CDH17: variants seen among roughly 807,000 people sequenced by gnomAD.
CDH17 encodes cadherin 17.
A neutral mutation model predicts 86.3 loss-of-function variants in CDH17; 67 were observed. The ratio of observed to expected loss-of-function variants is 0.78; its 90% CI spans 0.64 to 0.95. CDH17 has a LOEUF of 0.95. CDH17 is among the 40% of genes least tolerant of loss of function. CDH17 has a pLI of 0.00. For synonymous variants in CDH17, 367 were observed against 366.4 expected (o/e 1.00, Z -0.02); for missense variants, 993 against 1,017.6 (o/e 0.98, Z 0.33).
chr8:94,129,395 C>A (rs1812366456), intron 17 of CDH17, among the ~76,000 whole-genome samples: 1 of 151,974 alleles, frequency 6.6e-6, no homozygotes, highest in South Asian at 2.1e-4. Flanking sequence ...GGGAAGTGGC[C>A]ATGACATGAA....
At chr8:94,138,893 C>T (rs745670010) in intron 15 of CDH17, among the ~76,000 whole-genome samples, 15 of 152,146 alleles carry the variant, frequency 9.9e-5, no homozygotes, top group Admixed American at 1.3e-4. Context: ...AATGATCTAA[C>T]TGTATTTCAC....
chr8:94,213,836 C>T (rs557864957), intron 1 of CDH17, among the ~76,000 whole-genome samples: 2 of 152,180 alleles, frequency 1.3e-5, no homozygotes, highest in African/African-American at 2.4e-5. Flanking sequence ...CCCTTTACCC[C>T]GGCTTCCTTG....
intron 15 of CDH17, among the ~76,000 whole-genome samples, chr8:94,134,718 CTCTT>C (rs1563563786): frequency 6.6e-6 from 1 of 151,934 alleles, no homozygotes; most frequent in Non-Finnish European, 1.5e-5. Context: ...AATGTGTTTG[CTCTT>C]TCTTCTCTAG....
chr8:94,192,837 G>A (rs369446583), intron 2 of CDH17, among the ~76,000 whole-genome samples: 6 of 152,154 alleles, frequency 3.9e-5, no homozygotes, highest in African/African-American at 7.2e-5. Flanking sequence ...CATCAATGCC[G>A]TATTTGTGTT....
chr8:94,182,560 C>T (rs756105469), intron 3 of CDH17, among the ~76,000 whole-genome samples: 20 of 151,956 alleles, frequency 1.3e-4, no homozygotes, highest in Non-Finnish European at 2.9e-5. Context: ...TGACAAAATC[C>T]GTCATCCTTT....
At chr8:94,190,705 G>T (rs576441821) in intron 2 of CDH17, among the ~76,000 whole-genome samples, 1 of 152,328 alleles carries the variant, frequency 6.6e-6, no homozygotes, top group East Asian at 1.9e-4. Context: ...AGATGTCCAG[G>T]TGCCACTAGG....
At chr8:94,132,288 C>T (rs1337512849) in intron 15 of CDH17, among the ~76,000 whole-genome samples, 3 of 152,168 alleles carry the variant, frequency 2.0e-5, no homozygotes, top group Non-Finnish European at 4.4e-5. Context: ...ATTTACACTC[C>T]CACCAACAGT....
intron 1 of CDH17, among the ~76,000 whole-genome samples, chr8:94,197,496 A>G (rs968647874): frequency 5.9e-5 from 9 of 152,140 alleles, no homozygotes; most frequent in Non-Finnish European, 1.0e-4. Context: ...TCGGTGCCTT[A>G]GTCTCCTCAC....
chr8:94,154,900 G>T (rs991316767), intron 12 of CDH17, among the ~76,000 whole-genome samples: 1 of 152,052 alleles, frequency 6.6e-6, no homozygotes, highest in East Asian at 1.9e-4. Flanking sequence ...GTCCTTGAGG[G>T]CCTCCATGGA....
intron 15 of CDH17, among the ~76,000 whole-genome samples, chr8:94,136,191 A>C (rs1251764695): frequency 6.6e-6 from 1 of 152,172 alleles, no homozygotes; most frequent in East Asian, 1.9e-4. Flanking sequence ...CTGAATTTGA[A>C]TGTTGGCCTG....
chr8:94,168,143 T>TATATATATATATATATATATAC lies in CDH17; in HGVS notation c.1067-2168_1067-2167insGTATATATATATATATATATAT, dbSNP rs1563576919. ...ATATATATATATATATATATATATA[T>TATATATATATATATATATATAC]ATATATATATATATTTGTGTGTGTG... On this transcript the variant is annotated intron_variant, in intron 9 of 17. Coordinates refer to ENST00000027335, the MANE Select transcript of CDH17 (RefSeq NM_004063.4). 2.7e-4 allele frequency among the ~76,000 whole-genome samples: 27 copies of TATATATATATATATATATATAC among 101,568 alleles called. 3 individuals carry two copies. The highest frequency in any genetic ancestry group is 1.5e-3 in the African/African-American group (25 of 17,096). The allele number at this position is 101,568 out of a possible 152,430, so 66.6% of individuals were successfully genotyped here. A position where few individuals can be genotyped will look rare whatever the true frequency, so the allele number is the denominator to read the frequency against.
intron 1 of CDH17, among the ~76,000 whole-genome samples, chr8:94,205,887 C>T (rs1027658243): frequency 1.3e-5 from 2 of 152,078 alleles, no homozygotes; most frequent in African/African-American, 4.8e-5. Flanking sequence ...GGCCAAGCAC[C>T]AAGCCACTCT....
Position 94,130,643 on chromosome 8 carries a change from G to C in CDH17, c.2381C>G (p.Thr794Ser). The change falls in exon 17 of 18, where the codon ACC (threonine) becomes AGC (serine). Residue 794 changes from threonine (T) to serine (S), a missense_variant. Coordinates refer to ENST00000027335, the MANE Select transcript of CDH17 (RefSeq NM_004063.4). ...TVGMAVGILLTTLLVIGIILA... is the reference protein window; with the variant it reads ...TVGMAVGILLSTLLVIGIILA... ...ACACTCACCAATCACCAGAAGGGTG[G>C]TCAGCAGTATACCAACTGCCATGCC... The C allele has an allele frequency of 6.2e-7, 1 of 1,610,682 alleles. No individual in the cohort carries two copies. The highest frequency in any genetic ancestry group is 2.2e-5 in the East Asian group (1 of 44,852).
At chr8:94,205,576 T>C (rs1006559401) in intron 1 of CDH17, among the ~76,000 whole-genome samples, 1 of 152,198 alleles carries the variant, frequency 6.6e-6, no homozygotes, top group Admixed American at 6.6e-5. Flanking sequence ...AGGTTCACTT[T>C]CCAATTTCTG....
chr8:94,174,737 T>C (rs1159113295), intron 5 of CDH17, among the ~76,000 whole-genome samples: 1 of 152,192 alleles, frequency 6.6e-6, no homozygotes, highest in East Asian at 1.9e-4. Flanking sequence ...TTCCTTCATA[T>C]ATTTCAACCA....
intron 5 of CDH17, among the ~76,000 whole-genome samples, 157 bp from the exon 6 acceptor site, chr8:94,174,417 C>A (rs894822386): frequency 6.6e-6 from 1 of 152,162 alleles, no homozygotes; most frequent in Non-Finnish European, 1.5e-5. Flanking sequence ...CCCACTCCCC[C>A]CTTCCCTAAA....
intron 15 of CDH17, among the ~76,000 whole-genome samples, chr8:94,141,741 AT>A (rs1209715135): frequency 6.6e-6 from 1 of 152,170 alleles, no homozygotes; most frequent in Non-Finnish European, 1.5e-5. Context: ...AGCTAAATAA[AT>A]GGAGACATAT....
chr8:94,177,768 T>A, intron 3 of CDH17, 47 bp from the exon 4 acceptor site: 1 of 1,582,522 alleles, frequency 6.3e-7, no homozygotes, highest in Non-Finnish European at 8.6e-7. Flanking sequence ...GAAAAAACAA[T>A]GTTGTGGAAT....
chr8:94,186,632 G>A (rs772434616), intron 3 of CDH17, among the ~76,000 whole-genome samples: 1 of 152,114 alleles, frequency 6.6e-6, no homozygotes, highest in Non-Finnish European at 1.5e-5. Flanking sequence ...GAACTTTGTG[G>A]GGACACCAAC....
Sources: gnomAD v4.1 joint callset for allele counts (sites outside exome capture counted in the v4.1 genomes callset) on GRCh38, gnomAD v4.1.1 for gene constraint, MANE v1.5 for transcripts, NCBI Gene and HGNC (gene_info 2026-07-23, HGNC 2026-07-21) for gene names.